Variants in ZBTB46 observed in about 807,000 individuals in gnomAD.
ZBTB46 encodes zinc finger and BTB domain containing 46, also known as zinc finger and BTB domain-containing protein 46.
ZBTB46 carries 8 observed loss-of-function variants against 44.1 expected under a neutral mutation model. That is an observed-to-expected ratio of 0.18 (90% CI 0.11 to 0.33). The LOEUF (loss-of-function observed/expected upper bound fraction) is 0.33. ZBTB46 is among the 10% of genes least tolerant of loss of function. The probability of loss-of-function intolerance (pLI) is 1.00; values close to 1 mark genes in which losing one functional copy is unlikely to be tolerated. For missense variants in ZBTB46, 651 were observed against 847.7 expected, an observed-to-expected ratio of 0.77 and a Z score of 2.88; for synonymous variants, 409 against 382.3, an observed-to-expected ratio of 1.07 and a Z score of -0.81.
intron 3 of ZBTB46, among the ~76,000 whole-genome samples, chr20:63,770,914 C>G (rs147255495): frequency 7.6e-6 from 1 of 131,118 alleles, no homozygotes; most frequent in Admixed American, 7.6e-5. Context: ...AAATGCTCAT[C>G]GCCTGCAACC....
At chr20:63,755,147 C>T (rs1020917106) in intron 3 of ZBTB46, among the ~76,000 whole-genome samples, 3 of 152,228 alleles carry the variant, frequency 2.0e-5, no homozygotes, top group East Asian at 1.9e-4. Context: ...GCCGCAGCTG[C>T]GGACGGTCCC....
At chr20:63,788,937 G>A (rs1174502162) in intron 2 of ZBTB46, among the ~76,000 whole-genome samples, 3 of 149,830 alleles carry the variant, frequency 2.0e-5, no homozygotes, top group African/African-American at 7.4e-5. Flanking sequence ...CCAGGTTCAA[G>A]CGATTCTCCT....
intron 1 of ZBTB46, among the ~76,000 whole-genome samples, chr20:63,827,170 G>A (rs1480850048): frequency 2.6e-5 from 4 of 152,136 alleles, no homozygotes; most frequent in African/African-American, 4.8e-5. Flanking sequence ...TGGTTTCTGC[G>A]TGCCCCCAAC....
At chr20:63,832,903 C>A (rs1157251347), upstream of ZBTB46, among the ~76,000 whole-genome samples, 3 of 152,168 alleles carry the variant, frequency 2.0e-5, no homozygotes, top group Non-Finnish European at 4.4e-5. The surrounding 1 kb of genome is among the most constrained non-coding windows in gnomAD (Gnocchi z 5.0). Context: ...GAGCCCCCAC[C>A]TGCCCACCCA....
In ZBTB46 at chr20:63,769,462, T is replaced by A. The variant is rs1055783028; in HGVS notation, c.1222+6216A>T. On this transcript the variant is annotated intron_variant, in intron 3 of 4. Transcript: ENST00000245663. ...GGGTTCTAGAGAGTTCCAGAAGCAC[T>A]GACGATCTTCCCGGCATGCGGTGTG... is the stretch of plus-strand genomic sequence containing the variant. 6.1e-6 allele frequency: 6 copies of A among 983,628 alleles called. No individual in the cohort carries two copies. The African/African-American group carries it at 1.0e-4, about 17-fold the overall frequency. The allele number at this position is 983,628 out of a possible 1,614,324, so 60.9% of individuals were successfully genotyped here.
chr20:63,782,195 C>CTATCCCCG (rs2092476397), intron 2 of ZBTB46, among the ~76,000 whole-genome samples: 1 of 93,832 alleles, frequency 1.1e-5, no homozygotes, highest in African/African-American at 3.5e-5. Context: ...GCCCAGGCTG[C>CTATCCCCG]AACCCCCGAG....
At chr20:63,750,985 C>A (rs1029340508) in intron 4 of ZBTB46, among the ~76,000 whole-genome samples, 3 of 152,096 alleles carry the variant, frequency 2.0e-5, no homozygotes, top group Non-Finnish European at 4.4e-5. Context: ...AGGATCAAAA[C>A]GTTTACTGAG....
intron 2 of ZBTB46, among the ~76,000 whole-genome samples, chr20:63,779,265 A>G (rs1311758117): frequency 2.0e-5 from 3 of 151,882 alleles, no homozygotes; most frequent in Non-Finnish European, 2.9e-5. Flanking sequence ...TTTGAGACGG[A>G]GTTTCGCTCT....
rs574872410 is a variant in ZBTB46 at position 63,830,429 on chromosome 20, G to A, written c.-34+668C>T. ...GCGCCCCGAGCCCTCCGCGCCCCGA[G>A]CCGCCCCGCCCCGAGGCCCCTGCGC... On this transcript the variant is annotated intron_variant, in intron 1 of 4. Transcript: ENST00000245663. 9.4e-3 allele frequency among the ~76,000 whole-genome samples: 1,408 copies of A among 149,948 alleles called. 8 individuals are homozygous for A. Among genetic ancestry groups the A allele is most frequent in the South Asian group, 0.021 (99 of 4,748 alleles).
At chr20:63,775,495 C>A (rs2092417212) in intron 3 of ZBTB46, 183 bp downstream of exon 3, 4 of 720,162 alleles carry the variant, frequency 5.6e-6, no homozygotes, top group Non-Finnish European at 8.5e-6. Context: ...GCCAGCCCCC[C>A]GTGCACCTGA....
At chr20:63,802,884 CG>C (rs1395367764) in intron 1 of ZBTB46, among the ~76,000 whole-genome samples, 1 of 152,160 alleles carries the variant, frequency 6.6e-6, no homozygotes, top group East Asian at 1.9e-4. Flanking sequence ...CCAGGAACCG[CG>C]GCGGGCTGAT....
At chr20:63,775,394 A>G in intron 3 of ZBTB46, 1 of 367,562 alleles carries the variant, frequency 2.7e-6, no homozygotes, top group Admixed American at 4.3e-5. Flanking sequence ...GCATTCAGCC[A>G]ACGACTCCTG....
At position 63,752,323 on chromosome 20, in the gene ZBTB46, A is replaced by C. The variant is rs954728618; in HGVS notation, c.1398+363T>G. Among the ~76,000 whole-genome samples the C allele has an allele frequency of 2.0e-5, 3 of 149,998 alleles. No homozygotes were observed. Among genetic ancestry groups the C allele is most frequent in the Non-Finnish European group, 2.9e-5 (2 of 67,854 alleles). ...GCGCGGTGGGTGCAGACAGGTCGGC[A>C]GGCACAAGGACAGGGTTCTCCCTCC... On this transcript the variant is annotated intron_variant, in intron 4 of 4. Transcript: ENST00000245663. The surrounding 1 kb of genome is among the most constrained non-coding windows in gnomAD (Gnocchi z 5.6).
intron 1 of ZBTB46, among the ~76,000 whole-genome samples, chr20:63,802,424 A>C (rs2092653061): frequency 6.6e-6 from 1 of 151,534 alleles, no homozygotes. Context: ...CCTCTCAAAA[A>C]AAAAACAATG....
chr20:63,829,389 G>A (rs1007978211), intron 1 of ZBTB46, among the ~76,000 whole-genome samples: 1 of 152,272 alleles, frequency 6.6e-6, no homozygotes, highest in African/African-American at 2.4e-5. Flanking sequence ...TTAATTAAAT[G>A]CTTGTCCCCA....
chr20:63,810,785 A>C (rs1290729320), intron 1 of ZBTB46, among the ~76,000 whole-genome samples: 1 of 152,218 alleles, frequency 6.6e-6, no homozygotes, highest in Non-Finnish European at 1.5e-5. Flanking sequence ...CACAAACGCG[A>C]GAACGTGCCC....
rs150468604 is a variant in ZBTB46, at chr20:63,793,750, C to T, written c.-33-2960G>A. ...GCTACCTCACAACGGTTCACATCTCCACATAAGTTCAACTTAAATCAAAAG... is the reference window on the plus strand; with the variant it reads ...GCTACCTCACAACGGTTCACATCTCTACATAAGTTCAACTTAAATCAAAAG... On this transcript the variant is annotated intron_variant, in intron 1 of 4. Transcript: ENST00000245663. Among the ~76,000 whole-genome samples the T allele has an allele frequency of 3.2e-3, 482 of 152,266 alleles. 3 individuals are homozygous for T. The highest frequency in any genetic ancestry group is 0.011 in the African/African-American group (441 of 41,556).
intron 1 of ZBTB46, among the ~76,000 whole-genome samples, chr20:63,823,361 G>C (rs1354514074): frequency 1.3e-5 from 2 of 151,824 alleles, no homozygotes; most frequent in African/African-American, 2.4e-5. Flanking sequence ...AGCAGGGTGT[G>C]GTGGCACACG....
In ZBTB46 at chr20:63,790,553, G is replaced by C; in HGVS notation, c.205C>G (p.Gln69Glu). Residue 69 changes from glutamine (Q) to glutamate (E), a missense_variant, in exon 2 of 5, where the codon CAG becomes GAG. Coordinates refer to ENST00000245663, the MANE Select transcript of ZBTB46 (RefSeq NM_001369741.1). ...ATGTCCAGGTGCGTGACCGTGGCCT[G>C]CTCCGACGTCTTCTGCACCTGGCAG... Reference protein sequence around the residue: ...LYCQVQKTSEQATVTHLDIVT... With the variant: ...LYCQVQKTSEEATVTHLDIVT... 6.2e-7 allele frequency: 1 copy of C among 1,613,358 alleles called. No individual in the cohort carries two copies. Among genetic ancestry groups the C allele is most frequent in the African/African-American group, 1.3e-5 (1 of 75,080 alleles).
Sources: gnomAD v4.1 joint callset for allele counts (sites outside exome capture counted in the v4.1 genomes callset) on GRCh38, gnomAD v4.1.1 for gene constraint, Gnocchi (gnomAD v3.1) non-coding constraint, MANE v1.5 for transcripts, NCBI Gene and HGNC (gene_info 2026-07-23, HGNC 2026-07-21) for gene names.